CD38: variants seen among roughly 807,000 people sequenced by gnomAD.
CD38 encodes CD38 molecule, also known as ADP-ribosyl cyclase/cyclic ADP-ribose hydrolase 1.
In CD38, 31 loss-of-function variants were observed where a neutral mutation model predicts 36.3. The ratio of observed to expected loss-of-function variants is 0.85; its 90% CI spans 0.64 to 1.15. The LOEUF is 1.15. Ranked by LOEUF, CD38 falls within the 50% of genes most tolerant of loss-of-function variation. CD38 has a pLI of 0.00. For synonymous variants in CD38, 131 were observed against 135.2 expected (o/e 0.97, Z 0.22); for missense variants, 380 against 371.9 (o/e 1.02, Z -0.18).
chr4:15,834,019 T>C (rs1165741887), intron 3 of CD38, among the ~76,000 whole-genome samples, 198 bp from the exon 4 acceptor site: 1 of 152,194 alleles, frequency 6.6e-6, no homozygotes, highest in Non-Finnish European at 1.5e-5. Context: ...ATCTGGGATT[T>C]GGAAGATAAG....
chr4:15,786,803 A>G (rs1722843414), intron 1 of CD38, among the ~76,000 whole-genome samples: 1 of 152,194 alleles, frequency 6.6e-6, no homozygotes, highest in South Asian at 2.1e-4. Flanking sequence ...GGGAGGCTCC[A>G]GCGGCACAGG....
intron 3 of CD38, among the ~76,000 whole-genome samples, chr4:15,831,880 T>C (rs1047901893): frequency 6.6e-6 from 1 of 152,196 alleles, no homozygotes; most frequent in South Asian, 2.1e-4. Flanking sequence ...ACTTTCTACC[T>C]GTATCTCTTT....
At chr4:15,780,413 AT>A (rs1020701515) in intron 1 of CD38, among the ~76,000 whole-genome samples, 1 of 151,826 alleles carries the variant, frequency 6.6e-6, no homozygotes. Context: ...TGCCATTTAT[AT>A]TTTTTTCTGT....
At chr4:15,821,119 T>C (rs1406696995) in intron 2 of CD38, among the ~76,000 whole-genome samples, 1 of 152,124 alleles carries the variant, frequency 6.6e-6, no homozygotes, top group Non-Finnish European at 1.5e-5. Flanking sequence ...AAGCCAGAAA[T>C]TAAGAAGTTC....
intron 1 of CD38, among the ~76,000 whole-genome samples, chr4:15,780,502 G>A (rs1232536395): frequency 7.3e-6 from 1 of 136,216 alleles, no homozygotes; most frequent in Non-Finnish European, 1.5e-5. Context: ...ATATATTTTA[G>A]ATAATATTCT....
At chr4:15,814,383 T>C (rs1308818172) in intron 1 of CD38, among the ~76,000 whole-genome samples, 2 of 152,230 alleles carry the variant, frequency 1.3e-5, no homozygotes, top group African/African-American at 4.8e-5. Flanking sequence ...TCTCCCATTC[T>C]GTAGGTTGCC....
chr4:15,849,004 C>A lies in CD38; in HGVS notation c.*402C>A. The stretch of plus-strand genomic sequence containing the variant: ...AGTTTTTCAGAAAGCATTACATTTC[C>A]AAATGAATGACCTTGTTGCATGATG... On this transcript the variant is annotated 3_prime_UTR_variant, in exon 8 of 8. Transcript: ENST00000226279. The A allele has an allele frequency of 6.3e-6, 1 of 158,656 alleles. No homozygotes were observed. Among genetic ancestry groups the A allele is most frequent in the Non-Finnish European group, 1.4e-5 (1 of 71,910 alleles). 9.8% of individuals were successfully genotyped at this position (158,656 alleles called of 1,614,324 possible).
intron 1 of CD38, among the ~76,000 whole-genome samples, chr4:15,780,052 A>C (rs1216353353): frequency 1.3e-5 from 2 of 152,244 alleles, no homozygotes; most frequent in African/African-American, 4.8e-5. Context: ...GTTCTCACTC[A>C]TGAAATTTTC....
intron 2 of CD38, among the ~76,000 whole-genome samples, chr4:15,817,287 A>G (rs1244813108): frequency 2.0e-5 from 3 of 152,230 alleles, no homozygotes; most frequent in Non-Finnish European, 4.4e-5. Flanking sequence ...ATATTGGAAA[A>G]GCTCTATCAG....
At chr4:15,808,207 A>G (rs1033400163) in intron 1 of CD38, among the ~76,000 whole-genome samples, 2 of 152,336 alleles carry the variant, frequency 1.3e-5, no homozygotes, top group Admixed American at 1.3e-4. Flanking sequence ...CTCTATTGGA[A>G]GAGGTCTGTA....
At chr4:15,790,854 T>C (rs1313440083) in intron 1 of CD38, among the ~76,000 whole-genome samples, 7 of 145,014 alleles carry the variant, frequency 4.8e-5, no homozygotes, top group South Asian at 2.2e-4. Flanking sequence ...GAGGAGCGCC[T>C]CTGCTGGGCC....
intron 4 of CD38, among the ~76,000 whole-genome samples, chr4:15,836,394 C>T (rs1446108140): frequency 6.6e-6 from 1 of 152,202 alleles, no homozygotes; most frequent in African/African-American, 2.4e-5. Context: ...GCCCAATTAT[C>T]TCCTAAAGGA....
intron 3 of CD38, among the ~76,000 whole-genome samples, chr4:15,833,182 A>C (rs1302498161): frequency 6.6e-6 from 1 of 152,148 alleles, no homozygotes; most frequent in Non-Finnish European, 1.5e-5. Flanking sequence ...CACATCCTGG[A>C]ATCAGGGACC....
intron 7 of CD38, among the ~76,000 whole-genome samples, chr4:15,841,474 A>G (rs573673319): frequency 9.6e-4 from 147 of 152,356 alleles, no homozygotes; most frequent in African/African-American, 3.4e-3. Context: ...AGAAAAGGCC[A>G]TGAGCATTCT....
In CD38 at chr4:15,778,331, G is replaced by A; in HGVS notation, c.-84G>A. The A allele has an allele frequency of 1.1e-6, 1 of 898,580 alleles. No individual in the cohort carries two copies. The highest frequency in any genetic ancestry group is 1.8e-6 in the Non-Finnish European group (1 of 551,890). 55.7% of individuals were successfully genotyped at this position (898,580 alleles called of 1,614,324 possible). On this transcript the variant is annotated 5_prime_UTR_variant, in exon 1 of 8. Coordinates refer to ENST00000226279, the MANE Select transcript of CD38 (RefSeq NM_001775.4). This position sits in a 1 kb window ranked among gnomAD's most constrained non-coding sequence, Gnocchi z 4.9. ...CAAGTGAAACAGAAGGGGAGGTGCA[G>A]TTTCAGAACCCAGCCAGCCTCTCTC...
At chr4:15,792,890 G>T (rs569942864) in intron 1 of CD38, among the ~76,000 whole-genome samples, 1 of 152,146 alleles carries the variant, frequency 6.6e-6, no homozygotes, top group East Asian at 1.9e-4. Flanking sequence ...ATCAAGATTT[G>T]CACATTGCAT....
chr4:15,809,745 C>T, intron 1 of CD38, among the ~76,000 whole-genome samples: 1 of 152,132 alleles, frequency 6.6e-6, no homozygotes, highest in Non-Finnish European at 1.5e-5. Context: ...CTAGACGTCT[C>T]CTGATGAAGA....
At chr4:15,793,290 C>G (rs1723043516) in intron 1 of CD38, among the ~76,000 whole-genome samples, 1 of 151,708 alleles carries the variant, frequency 6.6e-6, no homozygotes, top group African/African-American at 2.4e-5. Flanking sequence ...GAAAATATAT[C>G]CATTTTGAGA....
At chr4:15,817,508 T>C (rs1381173559) in intron 2 of CD38, among the ~76,000 whole-genome samples, 2 of 152,366 alleles carry the variant, frequency 1.3e-5, no homozygotes, top group East Asian at 3.9e-4. Flanking sequence ...ATTTGTCAAA[T>C]AAGTGACTAT....
Sources: allele counts gnomAD v4.1 joint callset (sites outside exome capture counted in the v4.1 genomes callset), GRCh38; gene constraint gnomAD v4.1.1; non-coding constraint Gnocchi (gnomAD v3.1); transcripts MANE v1.5; gene names NCBI Gene and HGNC (gene_info 2026-07-23, HGNC 2026-07-21).